Variants in EMC3 observed in about 807,000 individuals in gnomAD.
EMC3 encodes the protein 30 kDa protein.
EMC3 carries 13 observed loss-of-function variants against 36.6 expected under a neutral mutation model. That is an observed-to-expected ratio of 0.35 (90% confidence interval 0.23 to 0.56). EMC3 has a LOEUF of 0.56. Ranked by LOEUF, EMC3 falls within the 20% of genes least tolerant of loss-of-function variation. The pLI, the probability that EMC3 is intolerant of heterozygous loss-of-function variation, is 0.84. For missense variants in EMC3, 220 were observed against 324.5 expected (o/e 0.68, Z 2.47); for synonymous variants, 120 against 111.9 (o/e 1.07, Z -0.46).
At chr3:9,984,661 G>C (rs958218363) in intron 1 of EMC3, among the ~76,000 whole-genome samples, 2 of 152,206 alleles carry the variant, frequency 1.3e-5, no homozygotes, top group African/African-American at 4.8e-5. Context: ...AAAGTGCTGG[G>C]AGTACAGGCA....
At chr3:10,009,132 GGCT>G in intron 1 of EMC3, 1 of 152,188 alleles carries the variant, frequency 6.6e-6, no homozygotes, top group Non-Finnish European at 1.5e-5. Flanking sequence ...TCCCAGTTCC[GGCT>G]CCGACTCAGC....
rs1559359499 is a variant in EMC3 at position 10,002,288 on chromosome 3, T to TG, written c.-242+8734_-242+8735insC. ...TTCAGCAGTTTCTTTTTTTATTTTA[T>TG]TTTATTTTATTTTATTTTGAGATAG... On this transcript the variant is annotated intron_variant, in intron 1 of 8. Coordinates refer to the EMC3 transcript ENST00000470827. Among the ~76,000 whole-genome samples, 725 of 151,174 alleles carry TG rather than the reference T, an allele frequency of 4.8e-3. 9 individuals are homozygous for TG. The highest frequency in any genetic ancestry group is 0.016 in the African/African-American group (668 of 41,040).
At chr3:10,008,400 C>G in intron 1 of EMC3, 1 of 1,367,560 alleles carries the variant, frequency 7.3e-7, no homozygotes, top group Middle Eastern at 2.1e-4. Context: ...TTTCAAGTGT[C>G]TACCTGGGCC....
At chr3:9,995,359 A>C (rs2124930453) in intron 1 of EMC3, among the ~76,000 whole-genome samples, 1 of 152,196 alleles carries the variant, frequency 6.6e-6, no homozygotes, top group East Asian at 1.9e-4. Context: ...AAAAAGAAAG[A>C]GGAAAACTAC....
chr3:9,979,469 C>T (rs2085886927), intron 1 of EMC3, among the ~76,000 whole-genome samples: 1 of 152,210 alleles, frequency 6.6e-6, no homozygotes, highest in African/African-American at 2.4e-5. Flanking sequence ...ACCTCTGCCA[C>T]TTATTAGCCA....
chr3:9,986,476 T>G (rs1366820806), intron 1 of EMC3, 31 bp downstream of exon 1: 1 of 1,608,878 alleles, frequency 6.2e-7, no homozygotes, highest in African/African-American at 1.3e-5. Context: ...CACGGCGGTG[T>G]GAGGTAGGCT....
chr3:9,975,499 A>G (rs1575678105), intron 3 of EMC3, among the ~76,000 whole-genome samples: 1 of 150,610 alleles, frequency 6.6e-6, no homozygotes, highest in Admixed American at 6.6e-5. Context: ...TTGACAGCTT[A>G]CTGGGCTAAA....
intron 1 of EMC3, among the ~76,000 whole-genome samples, chr3:9,979,288 C>G (rs946232520): frequency 1.3e-5 from 2 of 152,134 alleles, no homozygotes; most frequent in African/African-American, 4.8e-5. Flanking sequence ...TCACAACATC[C>G]AGATACATGA....
upstream of EMC3, chr3:9,987,041 T>C (rs1449014719): frequency 2.0e-6 from 2 of 978,198 alleles, no homozygotes; most frequent in East Asian, 9.6e-5. Flanking sequence ...GGTGAAACCC[T>C]GTCTCTACTA....
rs1267082709 is a variant in EMC3, at chr3:9,986,694, G to A, written c.-33C>T. 1.2e-6 allele frequency: 2 copies of A among 1,611,278 alleles called. No individual in the cohort carries two copies. Among genetic ancestry groups the A allele is most frequent in the East Asian group, 2.2e-5 (1 of 44,832 alleles). Reference sequence around the variant, plus strand: ...GAAAGCTGGTTCCCAGTCTGGAATGGGCGAGCTTCTCTTCTCCGGGGCACA... The same window carrying A: ...GAAAGCTGGTTCCCAGTCTGGAATGAGCGAGCTTCTCTTCTCCGGGGCACA... On this transcript the variant is annotated 5_prime_UTR_variant, in exon 1 of 8. Transcript: ENST00000245046.
At chr3:10,002,363 A>C (rs2086214574) in intron 1 of EMC3, among the ~76,000 whole-genome samples, 1 of 150,552 alleles carries the variant, frequency 6.6e-6, no homozygotes, top group Non-Finnish European at 1.5e-5. Flanking sequence ...ATCTTGGCTC[A>C]CTGCAGCCTT....
Position 9,964,164 on chromosome 3 carries a change from G to C in EMC3, c.691C>G (p.Gln231Glu). 6.2e-7 allele frequency: 1 copy of C among 1,614,168 alleles called. No homozygotes were observed. The highest frequency in any genetic ancestry group is 1.1e-5 in the South Asian group (1 of 91,078). ...EWEALELTDHQWALDDVEEEL... is the reference protein window; with the variant it reads ...EWEALELTDHEWALDDVEEEL... ...TCTTCGACATCATCTAGTGCCCACT[G>C]GTGATCCGTCAGCTCCAAAGCTTCC... The change falls in exon 8 of 8, where the codon CAG (glutamine) becomes GAG (glutamate). Residue 231 changes from glutamine (Q) to glutamate (E), a missense_variant. Transcript: ENST00000245046.
intron 1 of EMC3, chr3:10,006,312 T>C (rs2086261500): frequency 2.6e-5 from 4 of 152,232 alleles, no homozygotes; most frequent in African/African-American, 9.7e-5. Context: ...TATTAAAATA[T>C]TTTTGCCTGT....
intron 1 of EMC3, among the ~76,000 whole-genome samples, chr3:10,001,405 C>CAAAAAAAAAA (rs60785369): frequency 1.0e-4 from 8 of 79,646 alleles, no homozygotes; most frequent in Non-Finnish European, 8.2e-5. Context: ...GCTAAAAATA[C>CAAAAAAAAAA]AAAAAAAAAA....
Position 9,986,811 on chromosome 3 carries a change from G to A in EMC3, c.-150C>T, listed in dbSNP as rs2085979523. On this transcript the variant is annotated 5_prime_UTR_variant, in exon 1 of 8. Transcript: ENST00000245046. ...CCTGCGACTGTGAGCCGAGCTTACT[G>A]CCTTCAGCTGGGCTGCCTGGTCTTC... 7 of 1,431,824 alleles carry A rather than the reference G, an allele frequency of 4.9e-6. No homozygotes were observed. The highest frequency in any genetic ancestry group is 6.4e-6 in the Non-Finnish European group (7 of 1,090,752). The allele number at this position is 1,431,824 out of a possible 1,614,324, so 88.7% of individuals were successfully genotyped here.
intron 1 of EMC3, among the ~76,000 whole-genome samples, chr3:9,998,454 G>C (rs1032264063): frequency 6.7e-6 from 1 of 149,208 alleles, no homozygotes; most frequent in Admixed American, 6.7e-5. Flanking sequence ...TTTATGTATA[G>C]GATCTTGCTC....
At chr3:9,982,911 T>G (rs556919425) in intron 1 of EMC3, among the ~76,000 whole-genome samples, 1 of 150,946 alleles carries the variant, frequency 6.6e-6, no homozygotes, top group South Asian at 2.1e-4. Context: ...AAAAAAAAAG[T>G]TTTACAACTA....
At chr3:9,982,760 G>A (rs577061612) in intron 1 of EMC3, among the ~76,000 whole-genome samples, 8 of 151,954 alleles carry the variant, frequency 5.3e-5, no homozygotes, top group Admixed American at 3.9e-4. Context: ...GGTGGCACAC[G>A]CTTATAATCC....
At chr3:9,991,600 C>G (rs2086053129), upstream of EMC3, among the ~76,000 whole-genome samples, 1 of 151,822 alleles carries the variant, frequency 6.6e-6, no homozygotes, top group Non-Finnish European at 1.5e-5. Context: ...ACTGTTGCCT[C>G]CACCTCCTGG....
Sources: allele counts gnomAD v4.1 joint callset (sites outside exome capture counted in the v4.1 genomes callset), GRCh38; gene constraint gnomAD v4.1.1; transcripts MANE v1.5; gene names NCBI Gene and HGNC (gene_info 2026-07-23, HGNC 2026-07-21).